Variants in ADAMTSL1 observed in about 807,000 individuals in gnomAD.
The protein encoded by ADAMTSL1 is ADAMTS-like protein 1.
ADAMTSL1 carries 126 observed loss-of-function variants against 201.8 expected under a neutral mutation model. That is an observed-to-expected ratio of 0.62 (90% CI 0.54 to 0.72). ADAMTSL1 has a LOEUF of 0.72. Ranked by LOEUF, ADAMTSL1 falls within the 30% of genes least tolerant of loss-of-function variation. The pLI is 0.00. For synonymous variants in ADAMTSL1, 1,121 were observed against 903.4 expected, an observed-to-expected ratio of 1.24 and a Z score of -4.32; for missense variants, 2,679 against 2,277.8, an observed-to-expected ratio of 1.18 and a Z score of -3.59.
At chr9:17,960,562 A>T (rs1311063660) in intron 1 of ADAMTSL1, among the ~76,000 whole-genome samples, 1 of 152,188 alleles carries the variant, frequency 6.6e-6, no homozygotes, top group African/African-American at 2.4e-5. Context: ...GTCATCATTC[A>T]TTGTATAAAT....
intron 1 of ADAMTSL1, among the ~76,000 whole-genome samples, chr9:17,964,683 T>A (rs1817907486): frequency 6.6e-6 from 1 of 152,180 alleles, no homozygotes; most frequent in African/African-American, 2.4e-5. Context: ...ACTGTAGTGG[T>A]AGAAGATGTT....
At chr9:18,131,473 G>T (rs1182755230) in intron 1 of ADAMTSL1, among the ~76,000 whole-genome samples, 2 of 152,132 alleles carry the variant, frequency 1.3e-5, no homozygotes, top group Admixed American at 1.3e-4. Flanking sequence ...GAGATGATTA[G>T]TCTCGTATGA....
chr9:18,759,794 C>T (rs2133653194), intron 16 of ADAMTSL1, among the ~76,000 whole-genome samples: 1 of 152,232 alleles, frequency 6.6e-6, no homozygotes, highest in African/African-American at 2.4e-5. Flanking sequence ...CAGTGTACAC[C>T]CCTTGTACTT....
intron 13 of ADAMTSL1, among the ~76,000 whole-genome samples, chr9:18,701,969 A>C (rs1211769779): frequency 6.6e-6 from 1 of 152,230 alleles, no homozygotes; most frequent in East Asian, 1.9e-4. Context: ...AAGAGGTTTA[A>C]TTGGACTTAC....
chr9:17,981,138 C>T (rs1444892755), intron 1 of ADAMTSL1, among the ~76,000 whole-genome samples: 1 of 152,218 alleles, frequency 6.6e-6, no homozygotes, highest in Non-Finnish European at 1.5e-5. Context: ...GGGGTCATAG[C>T]TTATCCAAAC....
intron 2 of ADAMTSL1, among the ~76,000 whole-genome samples, chr9:18,454,838 A>G (rs1006491066): frequency 1.3e-5 from 2 of 152,226 alleles, no homozygotes; most frequent in Admixed American, 6.5e-5. Context: ...AATGATTACA[A>G]TCATAGGCAA....
At chr9:18,375,772 T>G (rs907061362) in intron 2 of ADAMTSL1, among the ~76,000 whole-genome samples, 3 of 152,244 alleles carry the variant, frequency 2.0e-5, no homozygotes, top group African/African-American at 7.2e-5. Context: ...TGCTGGCTGG[T>G]GGCCAGCTTT....
rs74659162 is a variant in ADAMTSL1 at position 18,313,327 on chromosome 9, C to T, written c.207+149346C>T. On this transcript the variant is annotated intron_variant, in intron 2 of 29. Transcript: ENST00000680146. Reference sequence around the variant, plus strand: ...CTTAGGTACCGATATTTTTTTAAGGCCCCAGGTGATTCACTGGGAAAAATG... The same window carrying T: ...CTTAGGTACCGATATTTTTTTAAGGTCCCAGGTGATTCACTGGGAAAAATG... 3.8e-3 allele frequency among the ~76,000 whole-genome samples: 585 copies of T among 152,214 alleles called. 3 individuals are homozygous for T. Among genetic ancestry groups the T allele is most frequent in the African/African-American group, 0.013 (560 of 41,540 alleles).
At chr9:18,372,883 G>C (rs930036259) in intron 2 of ADAMTSL1, among the ~76,000 whole-genome samples, 1 of 152,132 alleles carries the variant, frequency 6.6e-6, no homozygotes, top group Non-Finnish European at 1.5e-5. Flanking sequence ...ATGGGACAAA[G>C]CAACAAACTA....
chr9:18,022,989 A>T (rs1448674671), intron 1 of ADAMTSL1, among the ~76,000 whole-genome samples: 1 of 151,454 alleles, frequency 6.6e-6, no homozygotes, highest in Non-Finnish European at 1.5e-5. Flanking sequence ...CTTTCTCTCC[A>T]TCTCCCTCTT....
chr9:18,656,533 G>A (rs548539580), intron 7 of ADAMTSL1, among the ~76,000 whole-genome samples: 43 of 149,298 alleles, frequency 2.9e-4, no homozygotes, highest in African/African-American at 1.1e-3. Context: ...GGAGGCTGAG[G>A]CAGAAGAATG....
At chr9:18,835,131 C>A (rs947051657) in intron 23 of ADAMTSL1, among the ~76,000 whole-genome samples, 3 of 152,106 alleles carry the variant, frequency 2.0e-5, no homozygotes, top group Admixed American at 1.3e-4. Flanking sequence ...CCAAAGCTTA[C>A]TGTAGTTGGT....
At chr9:18,335,420 G>C (rs1485871279) in intron 2 of ADAMTSL1, among the ~76,000 whole-genome samples, 1 of 151,986 alleles carries the variant, frequency 6.6e-6, no homozygotes, top group African/African-American at 2.4e-5. Flanking sequence ...CCAACCTACT[G>C]ACCACAGATT....
At chr9:18,531,266 C>A (rs1819427438) in intron 2 of ADAMTSL1, among the ~76,000 whole-genome samples, 1 of 152,162 alleles carries the variant, frequency 6.6e-6, no homozygotes, top group South Asian at 2.1e-4. Context: ...TCACTCTTGG[C>A]AAGTAGCTTG....
chr9:18,885,679 ATC>A (rs1434688963), intron 23 of ADAMTSL1, among the ~76,000 whole-genome samples: 1 of 152,114 alleles, frequency 6.6e-6, no homozygotes, highest in Admixed American at 6.5e-5. Context: ...TTTTTAGGTT[ATC>A]TTTTTAGAAC....
intron 2 of ADAMTSL1, among the ~76,000 whole-genome samples, chr9:18,239,196 TA>T (rs1830965441): frequency 6.6e-6 from 1 of 152,140 alleles, no homozygotes; most frequent in Non-Finnish European, 1.5e-5. Flanking sequence ...GTAGCTGTAA[TA>T]ATACCTTAAG....
chr9:18,655,408 C>G (rs1828562871), intron 7 of ADAMTSL1, among the ~76,000 whole-genome samples: 2 of 152,196 alleles, frequency 1.3e-5, no homozygotes, highest in South Asian at 4.1e-4. Context: ...GAGCTTGGTT[C>G]AAATACTCTT....
At chr9:18,634,364 G>A (rs1826965377) in intron 5 of ADAMTSL1, among the ~76,000 whole-genome samples, 1 of 151,782 alleles carries the variant, frequency 6.6e-6, no homozygotes, top group Non-Finnish European at 1.5e-5. Flanking sequence ...AGGAGTTCAA[G>A]ACAAGCGTGG....
At chr9:18,225,457 T>G (rs1402984029) in intron 2 of ADAMTSL1, among the ~76,000 whole-genome samples, 1 of 152,216 alleles carries the variant, frequency 6.6e-6, no homozygotes, top group Non-Finnish European at 1.5e-5. Context: ...TAAGGATTTT[T>G]AAAACTTGGT....
Sources: gnomAD v4.1 joint callset for allele counts (sites outside exome capture counted in the v4.1 genomes callset) on GRCh38, gnomAD v4.1.1 for gene constraint, MANE v1.5 for transcripts, NCBI Gene and HGNC (gene_info 2026-07-23, HGNC 2026-07-21) for gene names.